Variants in PKD1L1 observed in about 807,000 individuals in gnomAD.
The protein encoded by PKD1L1 is polycystin-1-like protein 1.
PKD1L1 carries 236 observed loss-of-function variants against 323.4 expected under a neutral mutation model. The observed-to-expected ratio is 0.73, with a 90% confidence interval of 0.66 to 0.81. The LOEUF (loss-of-function observed/expected upper bound fraction) is 0.81. Among genes scored for constraint, PKD1L1 ranks in the 40% least tolerant of loss-of-function variants. The probability of loss-of-function intolerance (pLI) is 0.00; values close to 1 mark genes in which losing one functional copy is unlikely to be tolerated. For synonymous variants in PKD1L1, 1,344 were observed against 1,335.0 expected (o/e 1.01, Z -0.15); for missense variants, 3,320 against 3,508.0 (o/e 0.95, Z 1.35).
chr7:47,891,418 T>C (rs375766244), intron 15 of PKD1L1, among the ~76,000 whole-genome samples: 44 of 152,298 alleles, frequency 2.9e-4, no homozygotes, highest in African/African-American at 1.1e-3. Context: ...CACTCAAACA[T>C]ATAGTTCCAG....
chr7:47,840,735 T>C lies in PKD1L1; in HGVS notation c.5446-168A>G, dbSNP rs926388171. Among the ~76,000 whole-genome samples, 3 of 152,188 alleles carry C rather than the reference T, an allele frequency of 2.0e-5. No homozygotes were observed. The highest frequency in any genetic ancestry group is 4.4e-5 in the Non-Finnish European group (3 of 68,022). On this transcript the variant is annotated intron_variant, in intron 34 of 56. Transcript: ENST00000289672. This position sits in a 1 kb window ranked among gnomAD's most constrained non-coding sequence, Gnocchi z 4.1. ...CCAGGGGATGAGTGGGCACGTCCAG[T>C]CCCAGGCTTCCCTGGAGAGCCAGAG...
At chr7:47,792,525 G>T in intron 56 of PKD1L1, 102 bp downstream of exon 56, 1 of 1,164,520 alleles carries the variant, frequency 8.6e-7, no homozygotes, top group Non-Finnish European at 1.2e-6. Flanking sequence ...GAATATTTAT[G>T]CAAATGGACC....
At chr7:47,832,745 G>A (rs1197964019) in intron 41 of PKD1L1, among the ~76,000 whole-genome samples, 1 of 152,212 alleles carries the variant, frequency 6.6e-6, no homozygotes, top group East Asian at 1.9e-4. Context: ...CCAGCTCATT[G>A]CTGAGATTCC....
At chr7:47,895,891 AT>A (rs1358059486) in intron 14 of PKD1L1, among the ~76,000 whole-genome samples, 1 of 152,130 alleles carries the variant, frequency 6.6e-6, no homozygotes, top group Non-Finnish European at 1.5e-5. Flanking sequence ...AATACTGTTT[AT>A]TTTAAGGCTA....
At chr7:47,859,665 C>T (rs986125401) in intron 26 of PKD1L1, among the ~76,000 whole-genome samples, 1 of 144,046 alleles carries the variant, frequency 6.9e-6, no homozygotes, top group African/African-American at 2.6e-5. Flanking sequence ...TTGACTCTAT[C>T]GCCCAGGCTG....
At chr7:47,897,866 TAAACAACC>T in intron 14 of PKD1L1, 114 bp downstream of exon 14, 1 of 721,148 alleles carries the variant, frequency 1.4e-6, no homozygotes, top group African/African-American at 1.9e-5. Flanking sequence ...TTTTTTTTTT[TAAACAACC>T]TCCCTTTTCC....
intron 27 of PKD1L1, among the ~76,000 whole-genome samples, chr7:47,858,406 CATCCCAAAT>C (rs1785950445): frequency 6.6e-6 from 1 of 152,070 alleles, no homozygotes; most frequent in South Asian, 2.1e-4. Flanking sequence ...CTGAGTCAAA[CATCCCAAAT>C]ATCCCAAATG....
chr7:47,850,733 G>A (rs1178881967), intron 31 of PKD1L1, among the ~76,000 whole-genome samples: 1 of 150,672 alleles, frequency 6.6e-6, no homozygotes, highest in Non-Finnish European at 1.5e-5. Flanking sequence ...AAAACCCACA[G>A]AGAAAATAAT....
At chr7:47,938,332 C>A (rs571456251) in intron 3 of PKD1L1, among the ~76,000 whole-genome samples, 1 of 152,210 alleles carries the variant, frequency 6.6e-6, no homozygotes, top group Non-Finnish European at 1.5e-5. Context: ...TGAGTGCATA[C>A]GCCTGGCACC....
intron 32 of PKD1L1, 116 bp from the exon 33 acceptor site, chr7:47,845,194 C>A (rs1056777260): frequency 1.8e-5 from 14 of 774,070 alleles, no homozygotes; most frequent in South Asian, 1.7e-4. Context: ...ATAATGATAA[C>A]TTTATGACTA....
At chr7:47,855,593 G>GAAGAATA (rs1554403099) in intron 28 of PKD1L1, among the ~76,000 whole-genome samples, 1 of 144,636 alleles carries the variant, frequency 6.9e-6, no homozygotes, top group Non-Finnish European at 1.5e-5. Flanking sequence ...ATGCAAGAGT[G>GAAGAATA]GGGCCGGGCG....
intron 48 of PKD1L1, 61 bp from the exon 49 acceptor site, chr7:47,813,354 C>A: frequency 6.3e-7 from 1 of 1,580,688 alleles, no homozygotes. Flanking sequence ...CCCTGCAATC[C>A]GGGGTCTCCA....
At position 47,946,716 on chromosome 7, in the gene PKD1L1, C is replaced by T. The variant is rs1427109232; in HGVS notation, c.44+1681G>A. Reference sequence around the variant, plus strand: ...CAGGCCTAACTCCATGAAATGAGGGCTACAGGAGAGTCAAGAAACCTCTTC... The same window carrying T: ...CAGGCCTAACTCCATGAAATGAGGGTTACAGGAGAGTCAAGAAACCTCTTC... On this transcript the variant is annotated intron_variant, in intron 1 of 56. Transcript: ENST00000289672. The surrounding 1 kb of genome is among the most constrained non-coding windows in gnomAD (Gnocchi z 4.1). 1.3e-5 allele frequency among the ~76,000 whole-genome samples: 2 copies of T among 152,052 alleles called. No individual in the cohort carries two copies. Among genetic ancestry groups the T allele is most frequent in the Admixed American group, 6.6e-5 (1 of 15,246 alleles).
intron 32 of PKD1L1, among the ~76,000 whole-genome samples, chr7:47,846,580 T>G (rs1785669577): frequency 6.6e-6 from 1 of 152,226 alleles, no homozygotes; most frequent in Non-Finnish European, 1.5e-5. Context: ...CACCGACTCA[T>G]GTCTTCAACA....
chr7:47,800,253 G>A (rs1018836115), intron 54 of PKD1L1, among the ~76,000 whole-genome samples: 1 of 152,244 alleles, frequency 6.6e-6, no homozygotes, highest in Admixed American at 6.5e-5. Flanking sequence ...AACACGTCCA[G>A]TGGAGGTGGC....
At chr7:47,920,013 C>A (rs1787503073) in intron 7 of PKD1L1, among the ~76,000 whole-genome samples, 1 of 151,980 alleles carries the variant, frequency 6.6e-6, no homozygotes, top group Admixed American at 6.5e-5. Context: ...GAAGTCCTAG[C>A]CAGAGCAATC....
chr7:47,917,625 G>C (rs1368920299), intron 7 of PKD1L1, among the ~76,000 whole-genome samples: 1 of 152,208 alleles, frequency 6.6e-6, no homozygotes, highest in Non-Finnish European at 1.5e-5. Flanking sequence ...CAGATTAGCA[G>C]CAGATTTCTC....
chr7:47,861,618 C>T (rs1051110052), intron 26 of PKD1L1, among the ~76,000 whole-genome samples: 1 of 152,184 alleles, frequency 6.6e-6, no homozygotes, highest in Non-Finnish European at 1.5e-5. Flanking sequence ...TACGGTGGCT[C>T]ACGCCTGTAA....
intron 24 of PKD1L1, among the ~76,000 whole-genome samples, chr7:47,867,737 G>C (rs1033098304): frequency 6.6e-6 from 1 of 152,124 alleles, no homozygotes; most frequent in Non-Finnish European, 1.5e-5. Context: ...TAGTCAAATA[G>C]AGACTATCAA....
Sources: gnomAD v4.1 joint callset for allele counts (sites outside exome capture counted in the v4.1 genomes callset) on GRCh38, gnomAD v4.1.1 for gene constraint, Gnocchi (gnomAD v3.1) non-coding constraint, MANE v1.5 for transcripts, NCBI Gene and HGNC (gene_info 2026-07-23, HGNC 2026-07-21) for gene names.